The following SMARCC1 variants were observed in gnomAD, a reference collection of about 807,000 sequenced individuals.
The protein encoded by SMARCC1 is SWI/SNF related BAF chromatin remodeling complex subunit C1.
SMARCC1 carries 43 observed loss-of-function variants against 147.4 expected under a neutral mutation model. The observed-to-expected ratio is 0.29, with a 90% CI of 0.23 to 0.38. The LOEUF (loss-of-function observed/expected upper bound fraction) is 0.38, where lower values mean the gene tolerates loss of function less well. SMARCC1 is among the 10% of genes least tolerant of loss of function. The pLI is 1.00. For synonymous variants in SMARCC1, 495 were observed against 484.4 expected (o/e 1.02, Z -0.29); for missense variants, 1,119 against 1,381.1 (o/e 0.81, Z 3.01).
intron 26 of SMARCC1, among the ~76,000 whole-genome samples, chr3:47,591,409 T>TC (rs1461553968): frequency 7.4e-6 from 1 of 134,640 alleles, no homozygotes; most frequent in African/African-American, 2.6e-5. Context: ...TATGGTTCAT[T>TC]TAAAAAAAAA....
intron 17 of SMARCC1, 24 bp downstream of exon 17, chr3:47,676,605 G>C: frequency 1.2e-6 from 2 of 1,604,002 alleles, no homozygotes; most frequent in Middle Eastern, 1.7e-4. Flanking sequence ...ATCCAGGTCT[G>C]ATGAAAAGTC....
chr3:47,707,553 G>C (rs2034009139), intron 9 of SMARCC1, among the ~76,000 whole-genome samples: 1 of 151,882 alleles, frequency 6.6e-6, no homozygotes, highest in Non-Finnish European at 1.5e-5. Context: ...AAAAGCATCA[G>C]AGGCATAAGT....
intron 21 of SMARCC1, 136 bp downstream of exon 21, chr3:47,661,158 T>G (rs560155621): frequency 1.6e-6 from 1 of 626,594 alleles, no homozygotes; most frequent in African/African-American, 1.8e-5. Context: ...AAAAAAATCA[T>G]GTACTAATCT....
intron 2 of SMARCC1, among the ~76,000 whole-genome samples, chr3:47,751,037 A>G (rs1046495140): frequency 3.3e-5 from 5 of 151,986 alleles, no homozygotes; most frequent in African/African-American, 1.2e-4. Context: ...AGCTGGGATT[A>G]CAGACACGTG....
intron 12 of SMARCC1, among the ~76,000 whole-genome samples, chr3:47,691,947 C>CA (rs1284569701): frequency 6.6e-6 from 1 of 152,144 alleles, no homozygotes; most frequent in Non-Finnish European, 1.5e-5. Flanking sequence ...TTGCAGTAAC[C>CA]AAGATCGTGC....
chr3:47,781,142 T>C (rs765654738), intron 1 of SMARCC1, among the ~76,000 whole-genome samples: 2 of 152,218 alleles, frequency 1.3e-5, no homozygotes, highest in African/African-American at 4.8e-5. Context: ...TCATATTGCC[T>C]GTTATTAATT....
chr3:47,763,405 T>TC (rs1559666370), intron 2 of SMARCC1, among the ~76,000 whole-genome samples: 1 of 87,456 alleles, frequency 1.1e-5, no homozygotes, highest in African/African-American at 3.3e-5. Flanking sequence ...AGACTCCAGC[T>TC]CTAAAAAAAA....
At chr3:47,732,977 G>C (rs990837564) in intron 5 of SMARCC1, among the ~76,000 whole-genome samples, 1 of 151,838 alleles carries the variant, frequency 6.6e-6, no homozygotes, top group African/African-American at 2.4e-5. Flanking sequence ...ATGTGGTGGC[G>C]GGTGCCTGTA....
rs369706664 is a variant in SMARCC1 at position 47,610,335 on chromosome 3, C to G, written c.2782-8G>C. 780 of 1,613,900 alleles carry G rather than the reference C, an allele frequency of 4.8e-4. 4 individuals carry two copies. The highest frequency in any genetic ancestry group is 6.4e-4 in the Non-Finnish European group (756 of 1,179,912). ...CTGCCTCTGTTGTTCTAGCTGTAAG[C>G]AAAGGAAGTGGAAGAGAAATGACAC... On this transcript the variant is annotated splice_region_variant and splice_polypyrimidine_tract_variant and intron_variant, in intron 25 of 27. Transcript: ENST00000254480.
intron 19 of SMARCC1, among the ~76,000 whole-genome samples, chr3:47,666,977 A>C (rs533368804): frequency 6.6e-6 from 1 of 152,184 alleles, no homozygotes; most frequent in Non-Finnish European, 1.5e-5. Context: ...TGGTTACTGA[A>C]TATCTTCTAA....
At chr3:47,608,118 C>T (rs1334712289) in intron 26 of SMARCC1, among the ~76,000 whole-genome samples, 7 of 152,166 alleles carry the variant, frequency 4.6e-5, no homozygotes, top group African/African-American at 4.8e-5. Flanking sequence ...GACACAGTCT[C>T]GCTCTGTCAC....
intron 18 of SMARCC1, among the ~76,000 whole-genome samples, chr3:47,671,048 G>A (rs2033489452): frequency 6.6e-6 from 1 of 151,226 alleles, no homozygotes; most frequent in Non-Finnish European, 1.5e-5. Flanking sequence ...AGCCGAGAGT[G>A]GTGGTTCATG....
At chr3:47,733,971 G>A (rs764924631) in intron 5 of SMARCC1, among the ~76,000 whole-genome samples, 2 of 149,440 alleles carry the variant, frequency 1.3e-5, no homozygotes, top group Non-Finnish European at 3.0e-5. Context: ...ATATATGTAC[G>A]TGTGTGTATA....
At chr3:47,691,830 T>A (rs990714299) in intron 12 of SMARCC1, among the ~76,000 whole-genome samples, 18 of 152,016 alleles carry the variant, frequency 1.2e-4, no homozygotes, top group African/African-American at 4.8e-5. Context: ...TAAAACCCCA[T>A]GTCTACTAAT....
chr3:47,780,519 C>A (rs1283296415), intron 1 of SMARCC1, among the ~76,000 whole-genome samples: 3 of 152,074 alleles, frequency 2.0e-5, no homozygotes, highest in Non-Finnish European at 4.4e-5. Flanking sequence ...CTAATAACTG[C>A]CAAACACTGA....
At chr3:47,765,077 C>T (rs1035086680) in intron 2 of SMARCC1, among the ~76,000 whole-genome samples, 4 of 152,198 alleles carry the variant, frequency 2.6e-5, no homozygotes, top group Admixed American at 2.6e-4. Flanking sequence ...CATGGAGAAA[C>T]CCTGTCTCTA....
At chr3:47,638,254 G>A (rs1215182582) in intron 22 of SMARCC1, among the ~76,000 whole-genome samples, 3 of 152,030 alleles carry the variant, frequency 2.0e-5, no homozygotes, top group Admixed American at 6.6e-5. Flanking sequence ...CACCACGCCT[G>A]GCTAATTTTT....
At chr3:47,684,570 A>C (rs1166212419) in intron 14 of SMARCC1, among the ~76,000 whole-genome samples, 1 of 151,856 alleles carries the variant, frequency 6.6e-6, no homozygotes, top group African/African-American at 2.4e-5. Flanking sequence ...CCTCCCAAGT[A>C]GATGGGATTA....
chr3:47,670,043 T>C (rs1295938794), intron 19 of SMARCC1, among the ~76,000 whole-genome samples: 1 of 152,242 alleles, frequency 6.6e-6, no homozygotes, highest in African/African-American at 2.4e-5. Flanking sequence ...ATTGTCTTAG[T>C]AGTCACTTTA....
Sources: allele counts gnomAD v4.1 joint callset (sites outside exome capture counted in the v4.1 genomes callset), GRCh38; gene constraint gnomAD v4.1.1; transcripts MANE v1.5; gene names NCBI Gene and HGNC (gene_info 2026-07-23, HGNC 2026-07-21).